Variants in USP54 observed in about 807,000 individuals in gnomAD.
The protein encoded by USP54 is ubiquitin carboxyl-terminal hydrolase 54.
USP54 carries 87 observed loss-of-function variants against 170.5 expected under a neutral mutation model. The ratio of observed to expected loss-of-function variants is 0.51; its 90% CI spans 0.43 to 0.61. The LOEUF (loss-of-function observed/expected upper bound fraction) is 0.61, where lower values mean the gene tolerates loss of function less well. Among genes scored for constraint, USP54 ranks in the 20% least tolerant of loss-of-function variants. USP54 has a pLI of 0.00. For synonymous variants in USP54, 655 were observed against 742.8 expected (o/e 0.88, Z 1.92); for missense variants, 1,786 against 2,047.8 (o/e 0.87, Z 2.47).
At chr10:73,517,797 C>A (rs757610343) in intron 19 of USP54, 50 bp from the exon 20 acceptor site, 1 of 1,544,078 alleles carries the variant, frequency 6.5e-7, no homozygotes, top group Admixed American at 2.0e-5. Flanking sequence ...CTGACAGGAA[C>A]ACTTACAGAA....
intron 19 of USP54, 89 bp downstream of exon 19, chr10:73,519,708 C>G: frequency 1.3e-6 from 2 of 1,569,248 alleles, no homozygotes; most frequent in Non-Finnish European, 1.7e-6. Flanking sequence ...CCCCTTCAGT[C>G]GCCAAGACAA....
At chr10:73,509,027 T>C (rs2133215141) in intron 20 of USP54, among the ~76,000 whole-genome samples, 1 of 139,266 alleles carries the variant, frequency 7.2e-6, no homozygotes, top group East Asian at 2.1e-4. Context: ...ATCTACAATG[T>C]GTGAAATGTT....
chr10:73,593,194 A>C (rs1202442846), upstream of USP54, among the ~76,000 whole-genome samples: 2 of 151,204 alleles, frequency 1.3e-5, no homozygotes, highest in Non-Finnish European at 2.9e-5. Flanking sequence ...CCCCTTCTCT[A>C]CAAAAAAAAA....
At position 73,543,084 on chromosome 10, in the gene USP54, T is replaced by C. The variant is rs760055491; in HGVS notation, c.423A>G (p.Lys141=). ...RIHFHIADET[K]EDICTAQHCI... is the part of the protein sequence containing the mutation. ...AGTGTTGGGCAGTACATATATCCTCTTTGGTTTCATCAGCAATGTGGAAGT... is the reference window on the plus strand; with the variant it reads ...AGTGTTGGGCAGTACATATATCCTCCTTGGTTTCATCAGCAATGTGGAAGT... The change falls in exon 6 of 24, where the codon AAA becomes AAG. Residue 141 remains lysine, a synonymous_variant. Coordinates refer to ENST00000687698, the MANE Select transcript of USP54 (RefSeq NM_001391956.1). 6.2e-7 allele frequency: 1 copy of C among 1,614,180 alleles called. No individual in the cohort carries two copies. Among genetic ancestry groups the C allele is most frequent in the South Asian group, 1.1e-5 (1 of 91,084 alleles).
chr10:73,593,196 A>C (rs1336287674), upstream of USP54, among the ~76,000 whole-genome samples: 1 of 143,146 alleles, frequency 7.0e-6, no homozygotes, highest in Non-Finnish European at 1.5e-5. Flanking sequence ...CCTTCTCTAC[A>C]AAAAAAAAAA....
rs558578184 is a variant in USP54, at chr10:73,539,379, G to C, written c.975+65C>G. 29 of 1,384,498 alleles carry C rather than the reference G, an allele frequency of 2.1e-5. No homozygotes were observed. In the South Asian group the frequency reaches 5.7e-4, roughly 27 times the overall value. The allele number at this position is 1,384,498 out of a possible 1,614,324, so 85.8% of individuals were successfully genotyped here. A position where few individuals can be genotyped will look rare whatever the true frequency, so the allele number is the denominator to read the frequency against. On this transcript the variant is annotated intron_variant, in intron 10 of 23. Coordinates refer to ENST00000687698, the MANE Select transcript of USP54 (RefSeq NM_001391956.1). The stretch of plus-strand genomic sequence containing the variant: ...AAAATTATGAAAATGAAACACTAAA[G>C]ACAAATGATTATTCTTTTTTTTTGT...
intron 4 of USP54, among the ~76,000 whole-genome samples, chr10:73,561,062 GC>G (rs1485225350): frequency 7.3e-6 from 1 of 137,822 alleles, no homozygotes; most frequent in African/African-American, 2.8e-5. Flanking sequence ...CCGAGATCAT[GC>G]TATTGCACTC....
chr10:73,566,729 TCAAAAAAACAAA>T (rs1304072321), intron 4 of USP54, among the ~76,000 whole-genome samples: 3 of 149,852 alleles, frequency 2.0e-5, no homozygotes, highest in African/African-American at 7.3e-5. Flanking sequence ...AGACTCTGTC[TCAAAAAAACAAA>T]CAAAAAAACA....
intron 4 of USP54, among the ~76,000 whole-genome samples, chr10:73,547,556 C>G (rs2068141753): frequency 6.6e-6 from 1 of 152,156 alleles, no homozygotes. Context: ...TGGAACAGAA[C>G]AGAGGCCTCA....
intron 1 of USP54, among the ~76,000 whole-genome samples, chr10:73,622,096 AC>A (rs1235376966): frequency 2.6e-5 from 4 of 152,148 alleles, no homozygotes; most frequent in African/African-American, 9.7e-5. Flanking sequence ...TAAATTTCCC[AC>A]ACCAATCTCT....
Position 73,500,770 on chromosome 10 carries a change from G to T in USP54, c.4380C>A (p.Val1460=). 17 of 1,600,976 alleles carry T rather than the reference G, an allele frequency of 1.1e-5. No individual in the cohort carries two copies. The highest frequency in any genetic ancestry group is 1.4e-5 in the Non-Finnish European group (16 of 1,175,506). Residue 1460 remains valine, a synonymous_variant, in exon 23 of 24, where the codon GTC becomes GTA. Coordinates refer to ENST00000687698, the MANE Select transcript of USP54 (RefSeq NM_001391956.1). ...GGAGAAACACAGAAGGGTCATGGAT[G>T]ACAGGGAGGGAAGAGGAGCTGGAAC... The part of the protein sequence containing the change: ...HRCSSSSSLP[V]IHDPSVFLLG...
rs2066581753 is a variant in USP54 at position 73,541,460 on chromosome 10, G to A, written c.740C>T (p.Thr247Met). Residue 247 changes from threonine to methionine, a missense_variant, in exon 9 of 24, where the codon ACG becomes ATG. Thr to Met is a moderately conservative substitution (Grantham distance 81). This residue lies in a region of USP54 where 361 missense variants were observed against 455.0 expected (regional missense o/e 0.79). Coordinates refer to ENST00000687698, the MANE Select transcript of USP54 (RefSeq NM_001391956.1). ...RVLMNAPQII[T>M]IGLVWDSDHS... is the part of the protein sequence containing the mutation. ...GTCTGAGTCCCATACCAGCCCAATCGTGATAATCTGTGGAGCATTCATCAA... is the reference window on the plus strand; with the variant it reads ...GTCTGAGTCCCATACCAGCCCAATCATGATAATCTGTGGAGCATTCATCAA... The A allele has an allele frequency of 4.3e-6, 7 of 1,614,154 alleles. No homozygotes were observed. Among genetic ancestry groups the A allele is most frequent in the South Asian group, 3.3e-5 (3 of 91,084 alleles).
intron 13 of USP54, 33 bp from the exon 14 acceptor site, chr10:73,530,556 G>A (rs553388392): frequency 1.3e-6 from 2 of 1,583,400 alleles, no homozygotes; most frequent in East Asian, 2.2e-5. Flanking sequence ...AAATATAGAT[G>A]TTTAAAGTGA....
In USP54 at chr10:73,515,041, GA is replaced by G. The variant is rs111739719; in HGVS notation, c.4051+1333del. 3.5e-3 allele frequency among the ~76,000 whole-genome samples: 483 copies of G among 137,218 alleles called. 3 individuals carry two copies. Among genetic ancestry groups the G allele is most frequent in the African/African-American group, 9.4e-3 (350 of 37,308 alleles). 90.0% of individuals were successfully genotyped at this position (137,218 alleles called of 152,430 possible). A position where few individuals can be genotyped will look rare whatever the true frequency, so the allele number is the denominator to read the frequency against. On this transcript the variant is annotated intron_variant, in intron 20 of 23. Coordinates refer to ENST00000687698, the MANE Select transcript of USP54 (RefSeq NM_001391956.1). ...GGCAACAGGAGTGCAACTCTTCTCA[GA>G]AAAAAAAAAAAATGAATAAAAAATC...
At chr10:73,605,164 G>C (rs113353895) in intron 1 of USP54, among the ~76,000 whole-genome samples, 2 of 152,034 alleles carry the variant, frequency 1.3e-5, no homozygotes, top group Non-Finnish European at 2.9e-5. Context: ...GTCCCCACTC[G>C]ACCCAGGAGG....
rs760533254 is a variant in USP54 at position 73,541,423 on chromosome 10, T to C, written c.777A>G (p.Leu259=). The C allele has an allele frequency of 1.9e-6, 3 of 1,614,214 alleles. No homozygotes were observed. The highest frequency in any genetic ancestry group is 3.3e-5 in the Admixed American group (2 of 60,016). The change falls in exon 9 of 24, where the codon TTA becomes TTG. Residue 259 remains leucine (L), a synonymous_variant. Coordinates refer to ENST00000687698, the MANE Select transcript of USP54 (RefSeq NM_001391956.1). The stretch of plus-strand genomic sequence containing the variant: ...CCAGGCTGTGGATAACATCTTCTGC[T>C]AAGTCTGAGTGGTCTGAGTCCCATA... ...GLVWDSDHSD[L]AEDVIHSLGT...
At chr10:73,536,890 TCA>T (rs1415764060) in intron 10 of USP54, among the ~76,000 whole-genome samples, 2 of 152,246 alleles carry the variant, frequency 1.3e-5, no homozygotes, top group African/African-American at 4.8e-5. Flanking sequence ...AGAAACTCTT[TCA>T]CAGACTGCCT....
rs776396932 is a variant in USP54 at position 73,498,785 on chromosome 10, T to C, written c.4899A>G (p.Arg1633=). The C allele has an allele frequency of 1.9e-6, 3 of 1,613,576 alleles. No homozygotes were observed. The highest frequency in any genetic ancestry group is 2.5e-6 in the Non-Finnish European group (3 of 1,179,740). Residue 1633 remains arginine, a synonymous_variant, in exon 24 of 24, where the codon AGA becomes AGG. Transcript: ENST00000687698. ...AGTCATCATCTGGGGGCATATCTAC[T>C]CTTCGAGGACCAGGGGTTCGGGACC... ...VPGSRTPGPR[R]VDMPPDDDWR... is the part of the protein sequence containing the mutation.
rs147526341 is a variant in USP54 at position 73,622,709 on chromosome 10, T to C, written c.-18+2858A>G. ...GGCTCACGCCTATAATCCCAGCATT[T>C]TGGGAGGCTGAGGTGGGAGGATCAC... On this transcript the variant is annotated intron_variant, in intron 1 of 22. Transcript: ENST00000339859. Among the ~76,000 whole-genome samples the C allele has an allele frequency of 1.3e-4, 20 of 152,152 alleles. No homozygotes were observed. In the East Asian group the frequency reaches 3.9e-3, roughly 30 times the overall value.
Sources: allele counts gnomAD v4.1 joint callset (sites outside exome capture counted in the v4.1 genomes callset), GRCh38; gene constraint gnomAD v4.1.1; regional missense constraint gnomAD v4.1.1; transcripts MANE v1.5; gene names NCBI Gene and HGNC (gene_info 2026-07-23, HGNC 2026-07-21).